The following TMIGD1 variants were observed in gnomAD, a reference collection of about 807,000 sequenced individuals.
TMIGD1 encodes transmembrane and immunoglobulin domain containing 1.
A neutral mutation model predicts 27.5 loss-of-function variants in TMIGD1; 29 were observed. That is an observed-to-expected ratio of 1.05 (90% CI 0.78 to 1.44). The LOEUF is 1.44. Among genes scored for constraint, TMIGD1 ranks in the 40% most tolerant of loss-of-function variants. The pLI is 0.00. For synonymous variants in TMIGD1, 109 were observed against 110.3 expected, an observed-to-expected ratio of 0.99 and a Z score of 0.07; for missense variants, 334 against 310.6, an observed-to-expected ratio of 1.08 and a Z score of -0.57.
intron 4 of TMIGD1, among the ~76,000 whole-genome samples, chr17:30,324,297 AC>A (rs1321766925): frequency 6.6e-6 from 1 of 152,134 alleles, no homozygotes; most frequent in African/African-American, 2.4e-5. Context: ...AGAGGTGATA[AC>A]CCTGGGTAGA....
At position 30,318,832 on chromosome 17, in the gene TMIGD1, G is replaced by A. The variant is rs1399569126; in HGVS notation, c.722C>T (p.Ala241Val). The change falls in exon 5 of 7, where the codon GCT becomes GTT. Residue 241 changes from alanine to valine, a missense_variant. By Grantham distance (64) the Ala-to-Val change is moderately conservative (BLOSUM62 0). Transcript: ENST00000328886. ...IFLTLCFGLI[A>V]RRKKIMKLCM... ...TACCTTCATTATTTTCTTTCTTCTA[G>A]CAATCAGTCCAAAGCACAATGTCAG... 6.2e-7 allele frequency: 1 copy of A among 1,612,658 alleles called. No homozygotes were observed. Among genetic ancestry groups the A allele is most frequent in the Non-Finnish European group, 8.5e-7 (1 of 1,178,998 alleles).
intron 3 of TMIGD1, among the ~76,000 whole-genome samples, chr17:30,328,337 T>C (rs988854221): frequency 6.6e-6 from 1 of 152,032 alleles, no homozygotes; most frequent in Non-Finnish European, 1.5e-5. Flanking sequence ...TGCCAGGCCA[T>C]GAAAATCTGT....
In TMIGD1 at chr17:30,329,570, A is replaced by G. The variant is rs773616256; in HGVS notation, c.83-41T>C. On this transcript the variant is annotated intron_variant, in intron 2 of 6. Transcript: ENST00000328886. ...GAAACTATTTAGATATACAGAGTAA[A>G]CAACCTTAATGCTCATGAACAGGGG... The G allele has an allele frequency of 7.0e-6, 11 of 1,562,914 alleles. No individual in the cohort carries two copies. In the South Asian group the frequency reaches 1.3e-4, roughly 18 times the overall value.
intron 4 of TMIGD1, among the ~76,000 whole-genome samples, chr17:30,319,254 A>G (rs1435406991): frequency 9.8e-6 from 1 of 102,190 alleles, no homozygotes. Flanking sequence ...AAAAAGAAAA[A>G]AAAAAAAATA....
intron 4 of TMIGD1, among the ~76,000 whole-genome samples, chr17:30,319,261 A>AAAAAAATATATATATATATATAT: frequency 2.9e-5 from 2 of 69,066 alleles, no homozygotes; most frequent in Admixed American, 1.5e-4. Context: ...AAAAAAAAAA[A>AAAAAAATATATATATATATATAT]ATATATATAT....
rs1909898820 is a variant in TMIGD1 at position 30,329,378 on chromosome 17, A to G, written c.234T>C (p.Ser78=). Residue 78 remains serine, a synonymous_variant, in exon 3 of 7, where the codon TCT becomes TCC. Coordinates refer to ENST00000328886, the MANE Select transcript of TMIGD1 (RefSeq NM_206832.3). ...CAGAGCTGGAATTGATTTTGTTTCC[A>G]GATTTCAAATCCACTCTCCCCTCCT... ...YREEGRVDLK[S]GNKINSSSVC... is the part of the protein sequence containing the mutation. 1 of 1,613,996 alleles carries G rather than the reference A, an allele frequency of 6.2e-7. No individual in the cohort carries two copies. The highest frequency in any genetic ancestry group is 1.1e-5 in the South Asian group (1 of 91,078).
At chr17:30,331,798 C>T (rs1019960429) in intron 2 of TMIGD1, among the ~76,000 whole-genome samples, 1 of 152,082 alleles carries the variant, frequency 6.6e-6, no homozygotes. Context: ...CCGTGTTAGC[C>T]AGGATGGTCT....
chr17:30,321,352 T>G (rs1389295643), intron 4 of TMIGD1, among the ~76,000 whole-genome samples: 3 of 152,208 alleles, frequency 2.0e-5, no homozygotes, highest in Non-Finnish European at 4.4e-5. Flanking sequence ...AACAAAGGTT[T>G]TAAAGTGACC....
intron 3 of TMIGD1, 82 bp downstream of exon 3, chr17:30,329,169 T>C: frequency 6.5e-7 from 1 of 1,536,330 alleles, no homozygotes; most frequent in Non-Finnish European, 8.8e-7. Flanking sequence ...AATTTGGCAA[T>C]ACCAAGACCT....
At chr17:30,328,642 CA>C (rs548044038) in intron 3 of TMIGD1, among the ~76,000 whole-genome samples, 2 of 152,024 alleles carry the variant, frequency 1.3e-5, no homozygotes, top group Non-Finnish European at 2.9e-5. Context: ...CAAAGGTGAA[CA>C]CCCTCATTCT....
intron 4 of TMIGD1, among the ~76,000 whole-genome samples, chr17:30,322,649 A>G (rs530252947): frequency 2.8e-4 from 43 of 152,070 alleles, no homozygotes; most frequent in Non-Finnish European, 3.5e-4. Context: ...ACAGGTGGCT[A>G]CCATCATGCC....
At chr17:30,326,597 T>C (rs747499815) in intron 3 of TMIGD1, among the ~76,000 whole-genome samples, 1 of 152,254 alleles carries the variant, frequency 6.6e-6, no homozygotes, top group Non-Finnish European at 1.5e-5. Flanking sequence ...TTTAGAATGC[T>C]ATAGTATAAT....
At chr17:30,329,230 G>A in intron 3 of TMIGD1, 21 bp downstream of exon 3, 4 of 1,608,508 alleles carry the variant, frequency 2.5e-6, no homozygotes, top group East Asian at 2.2e-5. Flanking sequence ...CCCACTAGCT[G>A]TTTCTTTTCC....
intron 2 of TMIGD1, among the ~76,000 whole-genome samples, chr17:30,330,601 T>G (rs1049384362): frequency 6.6e-6 from 1 of 152,236 alleles, no homozygotes; most frequent in East Asian, 1.9e-4. Context: ...TGTTTTAATA[T>G]TGTTTTGGCA....
At chr17:30,324,724 C>A (rs1909716447) in intron 4 of TMIGD1, 92 bp downstream of exon 4, 9 of 1,434,862 alleles carry the variant, frequency 6.3e-6, no homozygotes, top group Admixed American at 2.0e-5. Flanking sequence ...CTAATCATAA[C>A]CGTTATTATC....
intron 3 of TMIGD1, among the ~76,000 whole-genome samples, chr17:30,328,423 A>C (rs927593080): frequency 3.9e-5 from 6 of 152,226 alleles, no homozygotes; most frequent in African/African-American, 1.4e-4. Flanking sequence ...TTAAAATTTC[A>C]ATATGGCAAA....
intron 2 of TMIGD1, 37 bp from the exon 3 acceptor site, chr17:30,329,566 G>A: frequency 6.4e-7 from 1 of 1,568,664 alleles, no homozygotes; most frequent in Non-Finnish European, 8.7e-7. Flanking sequence ...GATATACAGA[G>A]TAAACAACCT....
chr17:30,329,696 A>G (rs1909910831), intron 2 of TMIGD1, among the ~76,000 whole-genome samples, 167 bp from the exon 3 acceptor site: 1 of 152,206 alleles, frequency 6.6e-6, no homozygotes, highest in South Asian at 2.1e-4. Flanking sequence ...AAAAATATTC[A>G]TAATGTATTG....
At chr17:30,325,840 G>A (rs1446462685) in intron 3 of TMIGD1, among the ~76,000 whole-genome samples, 3 of 152,170 alleles carry the variant, frequency 2.0e-5, no homozygotes, top group Non-Finnish European at 4.4e-5. Context: ...ATCTGTGGAA[G>A]GCAAGTGAGT....
Sources: allele counts gnomAD v4.1 joint callset (sites outside exome capture counted in the v4.1 genomes callset), GRCh38; gene constraint gnomAD v4.1.1; transcripts MANE v1.5; gene names NCBI Gene and HGNC (gene_info 2026-07-23, HGNC 2026-07-21).